The following RNF138 variants were observed in gnomAD, a reference collection of about 807,000 sequenced individuals.
RNF138 encodes E3 ubiquitin-protein ligase RNF138.
In RNF138, 12 loss-of-function variants were observed where a neutral mutation model predicts 31.0. That is an observed-to-expected ratio of 0.39 (90% CI 0.25 to 0.63). RNF138 has a LOEUF of 0.63. Ranked by LOEUF, RNF138 falls within the 20% of genes least tolerant of loss-of-function variation. RNF138 has a pLI of 0.52. For missense variants in RNF138, 192 were observed against 300.1 expected, an observed-to-expected ratio of 0.64 and a Z score of 2.66; for synonymous variants, 105 against 99.5, an observed-to-expected ratio of 1.06 and a Z score of -0.33.
chr18:32,111,015 C>G lies in RNF138; in HGVS notation c.111-739C>G, dbSNP rs548271573. Among the ~76,000 whole-genome samples, 25 of 152,302 alleles carry G rather than the reference C, an allele frequency of 1.6e-4. 1 individual carries two copies. The South Asian group carries it at 5.2e-3, about 32-fold the overall frequency. ...CAGAATGGTCTTGATCTCCTGACCACGTGATCCGCCTGCTTCAGCGTCCCA... is the reference window on the plus strand; with the variant it reads ...CAGAATGGTCTTGATCTCCTGACCAGGTGATCCGCCTGCTTCAGCGTCCCA... On this transcript the variant is annotated intron_variant, in intron 2 of 7. Coordinates refer to ENST00000261593, the MANE Select transcript of RNF138 (RefSeq NM_016271.5).
At chr18:32,101,371 A>G (rs2039936861) in intron 2 of RNF138, among the ~76,000 whole-genome samples, 1 of 151,896 alleles carries the variant, frequency 6.6e-6, no homozygotes, top group Non-Finnish European at 1.5e-5. Context: ...GGCGTGCACC[A>G]CCACTCCTGG....
At chr18:32,120,997 A>C (rs558253941) in intron 4 of RNF138, among the ~76,000 whole-genome samples, 8 of 151,996 alleles carry the variant, frequency 5.3e-5, no homozygotes, top group Non-Finnish European at 1.0e-4. Context: ...TTAGCCAGGC[A>C]TGGTGGCATG....
chr18:32,096,136 T>C (rs2039800363), intron 2 of RNF138, among the ~76,000 whole-genome samples: 1 of 152,222 alleles, frequency 6.6e-6, no homozygotes, highest in Non-Finnish European at 1.5e-5. Flanking sequence ...TTTGAGTGTT[T>C]TCCTGAAAAC....
At chr18:32,108,973 T>G (rs2040080983) in intron 2 of RNF138, among the ~76,000 whole-genome samples, 1 of 152,108 alleles carries the variant, frequency 6.6e-6, no homozygotes, top group Admixed American at 6.6e-5. Flanking sequence ...TGGTTTTATG[T>G]ATATAGGTTT....
intron 4 of RNF138, among the ~76,000 whole-genome samples, chr18:32,116,711 C>A (rs2040222038): frequency 6.6e-6 from 1 of 151,506 alleles, no homozygotes; most frequent in African/African-American, 2.4e-5. Flanking sequence ...GCCACCACAT[C>A]CATCTAATTT....
At chr18:32,111,502 A>G (rs938676793) in intron 2 of RNF138, among the ~76,000 whole-genome samples, 1 of 151,992 alleles carries the variant, frequency 6.6e-6, no homozygotes, top group African/African-American at 2.4e-5. Context: ...ATATTTATTC[A>G]TCATATATTA....
intron 7 of RNF138, among the ~76,000 whole-genome samples, chr18:32,128,872 G>T (rs1265790955): frequency 6.6e-6 from 1 of 150,892 alleles, no homozygotes; most frequent in Non-Finnish European, 1.5e-5. Context: ...ATTTTGTTCT[G>T]TGATGATCCT....
intron 4 of RNF138, among the ~76,000 whole-genome samples, chr18:32,114,528 C>CTCCT (rs1430709237): frequency 6.6e-6 from 1 of 152,172 alleles, no homozygotes; most frequent in African/African-American, 2.4e-5. Context: ...TCTATGTGAG[C>CTCCT]TCCTGCCCAT....
intron 4 of RNF138, among the ~76,000 whole-genome samples, chr18:32,123,185 AG>A (rs1381656702): frequency 5.3e-5 from 8 of 152,190 alleles, no homozygotes; most frequent in African/African-American, 1.9e-4. Context: ...TTACTAGTCT[AG>A]GTAAAGGTAG....
chr18:32,102,788 A>G (rs972210129), intron 2 of RNF138, among the ~76,000 whole-genome samples: 1 of 151,850 alleles, frequency 6.6e-6, no homozygotes, highest in African/African-American at 2.4e-5. Flanking sequence ...GCGCAACACC[A>G]CGCCCAGCTA....
chr18:32,110,065 C>T (rs1156372956), intron 2 of RNF138, among the ~76,000 whole-genome samples: 1 of 152,130 alleles, frequency 6.6e-6, no homozygotes, highest in East Asian at 1.9e-4. Flanking sequence ...TAGCTCACTA[C>T]AGCTTCAACC....
chr18:32,114,627 T>C lies in RNF138; in HGVS notation c.392+767T>C, dbSNP rs184067015. ...TTCTTTATGTATCATCACCCATGCA[T>C]GTATCCCTAAACAATGCATTGTTAA... On this transcript the variant is annotated intron_variant, in intron 4 of 7. Coordinates refer to ENST00000261593, the MANE Select transcript of RNF138 (RefSeq NM_016271.5). 1.2e-4 allele frequency among the ~76,000 whole-genome samples: 18 copies of C among 152,310 alleles called. No individual in the cohort carries two copies. The East Asian group carries it at 2.3e-3, about 20-fold the overall frequency.
intron 2 of RNF138, among the ~76,000 whole-genome samples, chr18:32,094,035 C>T (rs1003286404): frequency 1.5e-4 from 23 of 152,146 alleles, no homozygotes; most frequent in Non-Finnish European, 8.8e-5. Flanking sequence ...TCGTGATCCT[C>T]CCGCCTCGGC....
rs1246177368 is a variant in RNF138, at chr18:32,131,162, A to ATT, written c.*1976_*1977dup. ...TTGTAGTAGAGGTCATCTTGATGGA[A>ATT]TTGTGTTTTAAAGTTTTGTGAATGA... On this transcript the variant is annotated 3_prime_UTR_variant, in exon 8 of 8. Coordinates refer to ENST00000261593, the MANE Select transcript of RNF138 (RefSeq NM_016271.5). The ATT allele has an allele frequency of 6.6e-6, 1 of 152,372 alleles. No individual in the cohort carries two copies. Among genetic ancestry groups the ATT allele is most frequent in the East Asian group, 1.9e-4 (1 of 5,200 alleles). The allele number at this position is 152,372 out of a possible 1,614,324, so 9.4% of individuals were successfully genotyped here.
intron 2 of RNF138, among the ~76,000 whole-genome samples, chr18:32,096,822 G>T (rs1417437635): frequency 6.6e-6 from 1 of 152,068 alleles, no homozygotes. Context: ...GACCTCCCAG[G>T]CTCAAGAAAT....
chr18:32,123,652 C>CA, intron 5 of RNF138, 78 bp downstream of exon 5: 8 of 636,962 alleles, frequency 1.3e-5, no homozygotes, highest in Non-Finnish European at 1.9e-5. Flanking sequence ...TTAAATTAAA[C>CA]TTTTTTTTTT....
At chr18:32,092,370 A>T (rs1423273755) in intron 1 of RNF138, 135 bp downstream of exon 1, 1 of 169,480 alleles carries the variant, frequency 5.9e-6, no homozygotes, top group Non-Finnish European at 1.3e-5. Flanking sequence ...GTGAAAAGGG[A>T]GGCCTTGGGC....
chr18:32,126,860 T>TAATA, intron 7 of RNF138, 60 bp downstream of exon 7: 1 of 1,061,032 alleles, frequency 9.4e-7, no homozygotes. Flanking sequence ...AAAATAACTT[T>TAATA]TTTGTAATCG....
chr18:32,108,207 G>T lies in RNF138; in HGVS notation c.111-3547G>T, dbSNP rs145303768. On this transcript the variant is annotated intron_variant, in intron 2 of 7. Transcript: ENST00000261593. ...CATACAGAAACGTGTCCCTATCACAGATATCCAGCTCAGTGAATTTTCCCA... is the reference window on the plus strand; with the variant it reads ...CATACAGAAACGTGTCCCTATCACATATATCCAGCTCAGTGAATTTTCCCA... 1.2e-3 allele frequency among the ~76,000 whole-genome samples: 183 copies of T among 152,218 alleles called. 1 individual carries two copies. The highest frequency in any genetic ancestry group is 6.8e-3 in the Admixed American group (104 of 15,292).
Sources: gnomAD v4.1 joint callset for allele counts (sites outside exome capture counted in the v4.1 genomes callset) on GRCh38, gnomAD v4.1.1 for gene constraint, MANE v1.5 for transcripts, NCBI Gene and HGNC (gene_info 2026-07-23, HGNC 2026-07-21) for gene names.